Variants in IAH1 observed in about 807,000 individuals in gnomAD.
IAH1 encodes the protein isoamyl acetate-hydrolyzing esterase 1 homolog.
Under a neutral mutation model 26.7 loss-of-function variants are expected in IAH1, and 24 were observed. The observed-to-expected ratio is 0.90, with a 90% CI of 0.65 to 1.26. The LOEUF (loss-of-function observed/expected upper bound fraction) is 1.26. Among genes scored for constraint, IAH1 ranks in the 50% most tolerant of loss-of-function variants. The pLI is 0.00. For synonymous variants in IAH1, 140 were observed against 118.5 expected (o/e 1.18, Z -1.18); for missense variants, 300 against 299.9 (o/e 1.00, Z 0.00).
rs576643849 is a variant in IAH1 at position 9,482,199 on chromosome 2, T to C, written c.445+752T>C. On this transcript the variant is annotated intron_variant, in intron 4 of 5. Coordinates refer to ENST00000497473, the MANE Select transcript of IAH1 (RefSeq NM_001039613.3). ...GTGCACCACCACGCCCGGCTAATTTTTGCATTTTTAGTAGAGACGGGTTTC... is the reference window on the plus strand; with the variant it reads ...GTGCACCACCACGCCCGGCTAATTTCTGCATTTTTAGTAGAGACGGGTTTC... Among the ~76,000 whole-genome samples, 13 of 152,174 alleles carry C rather than the reference T, an allele frequency of 8.5e-5. 1 individual carries two copies. The South Asian group carries it at 2.7e-3, about 32-fold the overall frequency.
chr2:9,488,051 T>C, intron 5 of IAH1, 96 bp from the exon 6 acceptor site: 1 of 830,572 alleles, frequency 1.2e-6, no homozygotes, highest in South Asian at 2.2e-5. Flanking sequence ...AACTCCTGTC[T>C]TCCAGTAATC....
downstream of IAH1, among the ~76,000 whole-genome samples, chr2:9,499,833 A>G (rs1447873819): frequency 1.3e-5 from 2 of 152,240 alleles, no homozygotes; most frequent in Non-Finnish European, 2.9e-5. Context: ...TTCATTCACT[A>G]GGTCCCTGAA....
At chr2:9,506,615 T>A in the IAH1 span, among the ~76,000 whole-genome samples, 1 of 151,972 alleles carries the variant, frequency 6.6e-6, no homozygotes, top group South Asian at 2.1e-4. Context: ...TCTGCCCACC[T>A]CGGTCTCCAA....
chr2:9,504,620 G>A, the IAH1 span, among the ~76,000 whole-genome samples: 46 of 151,094 alleles, frequency 3.0e-4, no homozygotes, highest in African/African-American at 8.7e-4. Flanking sequence ...AAAATTAGCC[G>A]GGCATGGTGG....
At chr2:9,510,290 G>A in the IAH1 span, among the ~76,000 whole-genome samples, 20 of 152,266 alleles carry the variant, frequency 1.3e-4, no homozygotes, top group African/African-American at 4.6e-4. Context: ...AGGCTGAGAT[G>A]GGAGGATTAC....
Position 9,481,463 on chromosome 2 carries a change from C to G in IAH1, c.445+16C>G. On this transcript the variant is annotated intron_variant, in intron 4 of 5. Coordinates refer to ENST00000497473, the MANE Select transcript of IAH1 (RefSeq NM_001039613.3). Reference sequence around the variant, plus strand: ...ATCATACAAGGTAAACAAACCACAGCCAATCTCGGCAAATCTGGATAGGAA... The same window carrying G: ...ATCATACAAGGTAAACAAACCACAGGCAATCTCGGCAAATCTGGATAGGAA... 3 of 1,613,362 alleles carry G rather than the reference C, an allele frequency of 1.9e-6. No homozygotes were observed. Among genetic ancestry groups the G allele is most frequent in the Non-Finnish European group, 2.5e-6 (3 of 1,179,488 alleles).
At chr2:9,495,261 A>G (rs1662484847) in intron 6 of IAH1, among the ~76,000 whole-genome samples, 1 of 152,132 alleles carries the variant, frequency 6.6e-6, no homozygotes, top group South Asian at 2.1e-4. Flanking sequence ...AAGCTCCACA[A>G]CTCCTCCCAA....
At chr2:9,493,101 T>C, downstream of IAH1, 1 of 794,140 alleles carries the variant, frequency 1.3e-6, no homozygotes, top group Non-Finnish European at 2.0e-6. Flanking sequence ...CTAGACATAC[T>C]ACCGAGAGCA....
Position 9,481,282 on chromosome 2 carries a change from G to A in IAH1, c.284-4G>A. ...TGGTGAGGACTCATGTTTCTCTTGA[G>A]CAGATGAGAATCCCAAGCAGCACAT... is the stretch of plus-strand genomic sequence containing the variant. On this transcript the variant is annotated splice_region_variant and splice_polypyrimidine_tract_variant and intron_variant, in intron 3 of 5. Transcript: ENST00000497473. 1 of 1,614,018 alleles carries A rather than the reference G, an allele frequency of 6.2e-7. No homozygotes were observed. Among genetic ancestry groups the A allele is most frequent in the South Asian group, 1.1e-5 (1 of 91,076 alleles).
In IAH1 at chr2:9,476,955, T is replaced by C. The variant is rs145285655; in HGVS notation, c.134+916T>C. On this transcript the variant is annotated intron_variant, in intron 2 of 5. Transcript: ENST00000497473. The stretch of plus-strand genomic sequence containing the variant: ...TTGAGTGCAGCAGTGTGATCAGGGC[T>C]CACTGCAGCCTCCACCTCTGGGGCT... Among the ~76,000 whole-genome samples the C allele has an allele frequency of 2.1e-3, 322 of 152,298 alleles. 1 individual carries two copies. The highest frequency in any genetic ancestry group is 7.5e-3 in the African/African-American group (313 of 41,566).
chr2:9,497,085 G>A, downstream of IAH1: 2 of 1,607,276 alleles, frequency 1.2e-6, no homozygotes, highest in Middle Eastern at 3.3e-4. Context: ...GTTTTCTCCT[G>A]CTGCTGGACT....
In IAH1 at chr2:9,474,643, C is replaced by T. The variant is rs1409965719; in HGVS notation, c.77C>T (p.Thr26Ile). 1 of 1,552,380 alleles carries T rather than the reference C, an allele frequency of 6.4e-7. No individual in the cohort carries two copies. Among genetic ancestry groups the T allele is most frequent in the Non-Finnish European group, 8.7e-7 (1 of 1,153,186 alleles). The change falls in exon 1 of 6, where the codon ACC becomes ATC. Residue 26 changes from threonine (T) to isoleucine (I), a missense_variant. Thr to Ile is a moderately conservative substitution (Grantham distance 89). Coordinates refer to ENST00000497473, the MANE Select transcript of IAH1 (RefSeq NM_001039613.3). The surrounding 1 kb of genome is among the most constrained non-coding windows in gnomAD (Gnocchi z 4.3). ...PRLLLFGDSI[T>I]QFSFQQGGWG... The stretch of plus-strand genomic sequence containing the variant: ...TTGTTGCTCTTCGGGGACTCCATCA[C>T]CCAGGTACGGCCGCCCCGACGCTCG...
At chr2:9,510,251 C>T in the IAH1 span, 1 of 1,130,046 alleles carries the variant, frequency 8.8e-7, no homozygotes. Flanking sequence ...AGAATAAGAA[C>T]TGCATGCTTA....
At chr2:9,492,968 T>C, downstream of IAH1, 3 of 1,611,508 alleles carry the variant, frequency 1.9e-6, no homozygotes, top group Non-Finnish European at 1.7e-6. Flanking sequence ...CCCAACGATG[T>C]TGTCTGCTAA....
rs1230211698 is a variant in IAH1 at position 9,474,959 on chromosome 2, C to T, written c.81+312C>T. 36 of 1,019,370 alleles carry T rather than the reference C, an allele frequency of 3.5e-5. No individual in the cohort carries two copies. Among genetic ancestry groups the T allele is most frequent in the Non-Finnish European group, 3.8e-5 (32 of 832,262 alleles). 63.1% of individuals were successfully genotyped at this position (1,019,370 alleles called of 1,614,324 possible). On this transcript the variant is annotated intron_variant, in intron 1 of 5. Coordinates refer to ENST00000497473, the MANE Select transcript of IAH1 (RefSeq NM_001039613.3). This position sits in a 1 kb window ranked among gnomAD's most constrained non-coding sequence, Gnocchi z 4.3. ...GAGATGCGCGGTCTTCCCCTCAGCG[C>T]CCTCCTGGGCAGCGGCCTTTCCCCT...
At chr2:9,509,932 C>T in the IAH1 span, 14 of 1,605,198 alleles carry the variant, frequency 8.7e-6, no homozygotes, top group African/African-American at 1.3e-5. Flanking sequence ...GATCATTATA[C>T]ACAGCCTCTT....
At chr2:9,490,496 A>G (rs2124949319), downstream of IAH1, 1 of 1,613,484 alleles carries the variant, frequency 6.2e-7, no homozygotes, top group Non-Finnish European at 8.5e-7. Context: ...TGCAGAATCC[A>G]TGCTGCTCAG....
intron 5 of IAH1, chr2:9,486,609 C>CCTGCTGAGGTGAGG (rs1661496437): frequency 1.3e-5 from 2 of 152,136 alleles, no homozygotes; most frequent in African/African-American, 2.4e-5. Context: ...AGGTGGATCA[C>CCTGCTGAGGTGAGG]CTGAGGTCAG....
chr2:9,509,612 A>G, the IAH1 span, among the ~76,000 whole-genome samples: 1 of 152,216 alleles, frequency 6.6e-6, no homozygotes, highest in Non-Finnish European at 1.5e-5. Context: ...TAAACTGTAC[A>G]TGTAAATTGT....
Sources: gnomAD v4.1 joint callset for allele counts (sites outside exome capture counted in the v4.1 genomes callset) on GRCh38, gnomAD v4.1.1 for gene constraint, Gnocchi (gnomAD v3.1) non-coding constraint, MANE v1.5 for transcripts, NCBI Gene and HGNC (gene_info 2026-07-23, HGNC 2026-07-21) for gene names.